The following ACTR3C variants were observed in gnomAD, a reference collection of about 807,000 sequenced individuals.
ACTR3C encodes actin related protein 3C, also known as actin-related protein 3C.
A neutral mutation model predicts 26.3 loss-of-function variants in ACTR3C; 18 were observed. That is an observed-to-expected ratio of 0.68 (90% CI 0.47 to 1.01). ACTR3C has a LOEUF of 1.01. ACTR3C is among the 50% of genes least tolerant of loss of function. The probability of loss-of-function intolerance (pLI) is 0.00; values close to 1 mark genes in which losing one functional copy is unlikely to be tolerated. For missense variants in ACTR3C, 184 were observed against 250.7 expected, an observed-to-expected ratio of 0.73 and a Z score of 1.80; for synonymous variants, 55 against 94.5, an observed-to-expected ratio of 0.58 and a Z score of 2.42.
chr7:150,038,856 G>C, the ACTR3C span, among the ~76,000 whole-genome samples: 1 of 125,388 alleles, frequency 8.0e-6, no homozygotes, highest in Non-Finnish European at 1.7e-5. Flanking sequence ...GGAACCAGGG[G>C]CTGGCTCTCA....
the ACTR3C span, among the ~76,000 whole-genome samples, chr7:149,992,985 G>A: frequency 6.6e-6 from 1 of 151,720 alleles, no homozygotes; most frequent in Non-Finnish European, 1.5e-5. Context: ...CGGAGGAACC[G>A]GGAGTCTGAT....
At chr7:150,073,302 G>A in the ACTR3C span, among the ~76,000 whole-genome samples, 3 of 152,150 alleles carry the variant, frequency 2.0e-5, no homozygotes, top group Non-Finnish European at 4.4e-5. Context: ...CTATTAGAAA[G>A]TGATGGCTAT....
chr7:150,135,386 T>C, the ACTR3C span, among the ~76,000 whole-genome samples: 33 of 152,380 alleles, frequency 2.2e-4, no homozygotes, highest in East Asian at 6.2e-3. Context: ...AGGATATCAC[T>C]GCAGGGATCT....
At chr7:150,042,632 G>T in the ACTR3C span, among the ~76,000 whole-genome samples, 1 of 151,630 alleles carries the variant, frequency 6.6e-6, no homozygotes, top group African/African-American at 2.4e-5. Context: ...GGTAAGAGGG[G>T]ATGGATCTCA....
chr7:149,920,759 T>C, the ACTR3C span, among the ~76,000 whole-genome samples: 141,203 of 147,148 alleles, frequency 0.96, 67,974 homozygotes, highest in East Asian at 1. Context: ...TTTTATCTTT[T>C]AGGGGTTTGT....
At chr7:150,045,811 G>C in the ACTR3C span, among the ~76,000 whole-genome samples, 1 of 152,022 alleles carries the variant, frequency 6.6e-6, no homozygotes, top group South Asian at 2.1e-4. Flanking sequence ...TTCTCCTAGC[G>C]ACACCTAGAG....
intron 6 of ACTR3C, among the ~76,000 whole-genome samples, chr7:150,254,666 TGG>T (rs1374372985): frequency 1.3e-5 from 2 of 152,126 alleles, no homozygotes; most frequent in Non-Finnish European, 2.9e-5. Flanking sequence ...TTCCCACACT[TGG>T]TTACATTTCT....
chr7:150,037,562 G>T, the ACTR3C span, among the ~76,000 whole-genome samples: 2 of 56,466 alleles, frequency 3.5e-5, no homozygotes, highest in African/African-American at 6.6e-5. Flanking sequence ...TGCGATGGGG[G>T]TCCTAAGAAC....
Position 150,309,127 on chromosome 7 carries a change from A to G in ACTR3C, c.-51-13780T>C, listed in dbSNP as rs1441110908. Reference sequence around the variant, plus strand: ...TTCCCCGAGATGATCCCCAAAGGGAATACCAGACAGGCTTCCCAGGTATAG... The same window carrying G: ...TTCCCCGAGATGATCCCCAAAGGGAGTACCAGACAGGCTTCCCAGGTATAG... On this transcript the variant is annotated intron_variant, in intron 1 of 7. Coordinates refer to ENST00000683684, the MANE Select transcript of ACTR3C (RefSeq NM_001164458.2). Among the ~76,000 whole-genome samples, 4 of 152,204 alleles carry G rather than the reference A, an allele frequency of 2.6e-5. No homozygotes were observed. In the East Asian group the frequency reaches 7.7e-4, roughly 29 times the overall value.
chr7:150,253,663 T>A (rs2530996), intron 6 of ACTR3C, among the ~76,000 whole-genome samples: 1 of 151,218 alleles, frequency 6.6e-6, no homozygotes, highest in African/African-American at 2.5e-5. Flanking sequence ...AAATTAATAA[T>A]GGGATAGTAA....
intron 6 of ACTR3C, among the ~76,000 whole-genome samples, chr7:150,253,013 G>A (rs1295066369): frequency 2.0e-5 from 3 of 151,550 alleles, no homozygotes; most frequent in Admixed American, 6.5e-5. Context: ...GGTTGTGGAT[G>A]AGAGAGCTGC....
chr7:150,180,212 GGA>G, the ACTR3C span, among the ~76,000 whole-genome samples: 1 of 149,988 alleles, frequency 6.7e-6, no homozygotes, highest in African/African-American at 2.5e-5. Context: ...GGCTGAGGCG[GGA>G]GAATGGCGTG....
chr7:150,173,140 T>C, the ACTR3C span, among the ~76,000 whole-genome samples: 21,577 of 150,264 alleles, frequency 0.14, 3,268 homozygotes, highest in African/African-American at 0.33. Flanking sequence ...GTAGGGACTC[T>C]GTGTGGGGGC....
At chr7:150,020,007 G>C in the ACTR3C span, among the ~76,000 whole-genome samples, 2 of 152,080 alleles carry the variant, frequency 1.3e-5, no homozygotes, top group Non-Finnish European at 1.5e-5. Flanking sequence ...TATTGAATAT[G>C]GTGTCTATGG....
At chr7:149,933,243 C>G in the ACTR3C span, among the ~76,000 whole-genome samples, 2 of 151,506 alleles carry the variant, frequency 1.3e-5, no homozygotes, top group Middle Eastern at 3.2e-3. Context: ...TAGGATAAAT[C>G]ACCTCCAAAT....
the ACTR3C span, among the ~76,000 whole-genome samples, chr7:150,084,617 G>T: frequency 3.3e-5 from 5 of 152,140 alleles, no homozygotes; most frequent in African/African-American, 1.2e-4. Flanking sequence ...ATATATTTGA[G>T]GAATAGAACG....
chr7:150,120,813 T>G, the ACTR3C span, among the ~76,000 whole-genome samples: 1 of 152,182 alleles, frequency 6.6e-6, no homozygotes, highest in African/African-American at 2.4e-5. Context: ...ATATCCCTGA[T>G]GAACATTGAT....
the ACTR3C span, among the ~76,000 whole-genome samples, chr7:150,019,599 AAATAATAAT>A: frequency 0.011 from 1,167 of 109,790 alleles, 26 homozygotes; most frequent in African/African-American, 0.034. Context: ...TCAAAAATAA[AAATAATAAT>A]AATAATAATA....
At chr7:149,885,518 G>A in the ACTR3C span, among the ~76,000 whole-genome samples, 1 of 152,348 alleles carries the variant, frequency 6.6e-6, no homozygotes, top group Non-Finnish European at 1.5e-5. Flanking sequence ...CCCCGCAGGC[G>A]GCTTCCTGAG....
Sources: gnomAD v4.1 joint callset for allele counts (sites outside exome capture counted in the v4.1 genomes callset) on GRCh38, gnomAD v4.1.1 for gene constraint, MANE v1.5 for transcripts, NCBI Gene and HGNC (gene_info 2026-07-23, HGNC 2026-07-21) for gene names.